The following BMPR1B variants were observed in gnomAD, a reference collection of about 807,000 sequenced individuals.
BMPR1B encodes the protein bone morphogenetic protein receptor type-1B.
A neutral mutation model predicts 59.1 loss-of-function variants in BMPR1B; 12 were observed. That is an observed-to-expected ratio of 0.20 (90% CI 0.13 to 0.33). The LOEUF (loss-of-function observed/expected upper bound fraction) is 0.33. Among genes scored for constraint, BMPR1B ranks in the 10% least tolerant of loss-of-function variants. The pLI is 1.00. For synonymous variants in BMPR1B, 237 were observed against 207.3 expected (o/e 1.14, Z -1.23); for missense variants, 550 against 610.9 (o/e 0.90, Z 1.05).
At chr4:94,979,086 A>G (rs776544669) in intron 2 of BMPR1B, among the ~76,000 whole-genome samples, 3 of 152,122 alleles carry the variant, frequency 2.0e-5, no homozygotes, top group Non-Finnish European at 2.9e-5. Flanking sequence ...ACTCACTATC[A>G]TGAGAACAAC....
At chr4:95,083,206 C>T (rs1380380107) in intron 3 of BMPR1B, among the ~76,000 whole-genome samples, 1 of 152,010 alleles carries the variant, frequency 6.6e-6, no homozygotes, top group African/African-American at 2.4e-5. Flanking sequence ...TTAACATAAT[C>T]ATCTCATTCC....
intron 3 of BMPR1B, among the ~76,000 whole-genome samples, chr4:95,043,176 C>T (rs1239679792): frequency 1.1e-5 from 1 of 90,634 alleles, no homozygotes; most frequent in Non-Finnish European, 2.0e-5. Context: ...AGCGAGACTC[C>T]GTCTCAAAAA....
chr4:94,916,385 AG>A (rs1290995700), intron 2 of BMPR1B, among the ~76,000 whole-genome samples: 3 of 152,334 alleles, frequency 2.0e-5, no homozygotes, highest in Non-Finnish European at 4.4e-5. Context: ...CAGGCTGCCG[AG>A]GTCTCAAATG....
intron 1 of BMPR1B, among the ~76,000 whole-genome samples, chr4:94,800,162 G>T (rs1723351725): frequency 6.6e-6 from 1 of 152,156 alleles, no homozygotes; most frequent in South Asian, 2.1e-4. Context: ...TCTACAGAAA[G>T]AAATTCTGTT....
At chr4:94,897,606 T>G (rs1727634903) in intron 2 of BMPR1B, among the ~76,000 whole-genome samples, 1 of 152,140 alleles carries the variant, frequency 6.6e-6, no homozygotes, top group Non-Finnish European at 1.5e-5. Flanking sequence ...ATAATGTACA[T>G]GTTCTTCTGT....
chr4:94,792,549 G>A (rs1199955638), intron 1 of BMPR1B, among the ~76,000 whole-genome samples: 1 of 151,830 alleles, frequency 6.6e-6, no homozygotes, highest in Non-Finnish European at 1.5e-5. Flanking sequence ...TGAGAATTAT[G>A]TCCAAAATGC....
intron 1 of BMPR1B, among the ~76,000 whole-genome samples, chr4:94,762,764 TG>T (rs1313673074): frequency 1.3e-5 from 2 of 152,102 alleles, no homozygotes; most frequent in Non-Finnish European, 2.9e-5. Flanking sequence ...GCTGAGAGTT[TG>T]TTGGCTTGGC....
chr4:94,787,123 C>T (rs1055772871), intron 1 of BMPR1B, among the ~76,000 whole-genome samples: 8 of 152,096 alleles, frequency 5.3e-5, no homozygotes, highest in East Asian at 1.9e-4. Flanking sequence ...GACCAGTTGC[C>T]GCCTAGTCTG....
intron 3 of BMPR1B, among the ~76,000 whole-genome samples, chr4:95,043,368 C>T (rs1288121742): frequency 6.6e-6 from 1 of 151,964 alleles, no homozygotes; most frequent in Non-Finnish European, 1.5e-5. Flanking sequence ...GGGTTTGTTG[C>T]TGTTGTTTTA....
chr4:95,047,513 C>CT (rs201308178), intron 3 of BMPR1B, among the ~76,000 whole-genome samples: 3,820 of 152,246 alleles, frequency 0.025, 73 homozygotes, highest in Middle Eastern at 0.041. Context: ...GGGGTACCTG[C>CT]TATCAGCATG....
intron 3 of BMPR1B, among the ~76,000 whole-genome samples, chr4:95,032,385 C>A (rs1724932600): frequency 6.6e-6 from 1 of 152,100 alleles, no homozygotes; most frequent in African/African-American, 2.4e-5. Context: ...CTCATGATGA[C>A]ATCTAAACCA....
At position 94,891,006 on chromosome 4, in the gene BMPR1B, G is replaced by T. The variant is rs183016000; in HGVS notation, c.-113+15106G>T. Among the ~76,000 whole-genome samples the T allele has an allele frequency of 3.1e-4, 47 of 152,132 alleles. 1 individual carries two copies. Among genetic ancestry groups the T allele is most frequent in the Admixed American group, 2.6e-3 (40 of 15,260 alleles). ...AAAACTTAATTTATTTTAAAATGTA[G>T]TTGGAAAATAGTAATTGGAAAACAG... On this transcript the variant is annotated intron_variant, in intron 2 of 12. Transcript: ENST00000515059.
chr4:94,976,067 A>G (rs1227518360), intron 2 of BMPR1B, among the ~76,000 whole-genome samples: 3 of 152,214 alleles, frequency 2.0e-5, no homozygotes, highest in Admixed American at 6.5e-5. Context: ...GGCAGCGACT[A>G]GAGTTGGAAT....
chr4:95,003,801 CTTTTTT>C (rs5860385), intron 3 of BMPR1B, among the ~76,000 whole-genome samples: 2 of 84,562 alleles, frequency 2.4e-5, no homozygotes, highest in East Asian at 4.1e-4. Flanking sequence ...CAAAGTCCAT[CTTTTTT>C]TTTTTTTTTT....
At chr4:95,063,048 A>G (rs1370667391) in intron 3 of BMPR1B, among the ~76,000 whole-genome samples, 1 of 152,154 alleles carries the variant, frequency 6.6e-6, no homozygotes, top group African/African-American at 2.4e-5. Flanking sequence ...TACTCCCCCA[A>G]GAAGTTCTAG....
intron 2 of BMPR1B, among the ~76,000 whole-genome samples, chr4:94,919,860 C>T (rs996712832): frequency 3.3e-5 from 5 of 152,152 alleles, no homozygotes; most frequent in African/African-American, 1.2e-4. Context: ...TCTCCTAAAT[C>T]ATTTTGTTTC....
intron 5 of BMPR1B, among the ~76,000 whole-genome samples, chr4:95,115,026 T>C (rs555159392): frequency 1.3e-5 from 2 of 152,194 alleles, no homozygotes; most frequent in South Asian, 4.1e-4. Context: ...ATTTTGACTG[T>C]ACCTTTTCTA....
chr4:95,001,164 A>G (rs1722418930), intron 3 of BMPR1B, among the ~76,000 whole-genome samples: 1 of 152,144 alleles, frequency 6.6e-6, no homozygotes, highest in South Asian at 2.1e-4. Flanking sequence ...ACATATGTAT[A>G]CATGTGCTAT....
intron 2 of BMPR1B, among the ~76,000 whole-genome samples, chr4:94,950,211 A>G (rs1038363735): frequency 1.3e-5 from 2 of 152,134 alleles, no homozygotes; most frequent in Admixed American, 6.5e-5. Flanking sequence ...GATAGATTGC[A>G]AAAATTTTCT....
Sources: gnomAD v4.1 joint callset for allele counts (sites outside exome capture counted in the v4.1 genomes callset) on GRCh38, gnomAD v4.1.1 for gene constraint, MANE v1.5 for transcripts, NCBI Gene and HGNC (gene_info 2026-07-23, HGNC 2026-07-21) for gene names.